The following ZRANB3 variants were observed in gnomAD, a reference collection of about 807,000 sequenced individuals.
ZRANB3 encodes the protein DNA annealing helicase and endonuclease ZRANB3.
In ZRANB3, 125 loss-of-function variants were observed where a neutral mutation model predicts 133.8. That is an observed-to-expected ratio of 0.93 (90% CI 0.81 to 1.08). The LOEUF (loss-of-function observed/expected upper bound fraction) is 1.08. ZRANB3 is among the 50% of genes least tolerant of loss of function. The pLI is 0.00. For missense variants in ZRANB3, 1,229 were observed against 1,275.5 expected (o/e 0.96, Z 0.56); for synonymous variants, 387 against 432.7 (o/e 0.89, Z 1.31).
chr2:135,288,873 C>CGTATGT (rs1553467078), intron 8 of ZRANB3, among the ~76,000 whole-genome samples: 1 of 141,296 alleles, frequency 7.1e-6, no homozygotes, highest in African/African-American at 2.6e-5. Context: ...CTTCATTTAT[C>CGTATGT]GTGTGTGTGT....
At chr2:135,525,874 C>T (rs1157615685) in intron 1 of ZRANB3, among the ~76,000 whole-genome samples, 1 of 147,142 alleles carries the variant, frequency 6.8e-6, no homozygotes, top group African/African-American at 2.5e-5. Flanking sequence ...AAAAGGAAAT[C>T]CTATCATGCT....
At chr2:135,335,981 G>C (rs1468704722) in intron 6 of ZRANB3, among the ~76,000 whole-genome samples, 1 of 152,138 alleles carries the variant, frequency 6.6e-6, no homozygotes, top group Non-Finnish European at 1.5e-5. Flanking sequence ...AGGGGAACTG[G>C]GTGATCTCCA....
rs765112091 is a variant in ZRANB3, at chr2:135,230,869, C to CT, written c.1597dup (p.Arg533LysfsTer8). 3 of 1,593,870 alleles carry CT rather than the reference C, an allele frequency of 1.9e-6. No homozygotes were observed. The highest frequency in any genetic ancestry group is 2.6e-6 in the Non-Finnish European group (3 of 1,172,884). ...TTCGTCACAGGAGGTCATCAACTGT[C>CT]TTTTTTTAGGTTGTGGTACAAAAAA... On this transcript the variant is annotated frameshift_variant, in exon 13 of 21. Coordinates refer to ENST00000264159, the MANE Select transcript of ZRANB3 (RefSeq NM_032143.4). LOFTEE classifies it high-confidence loss of function.
At chr2:135,407,999 C>T (rs1398953169) in intron 2 of ZRANB3, among the ~76,000 whole-genome samples, 14 of 151,814 alleles carry the variant, frequency 9.2e-5, no homozygotes, top group South Asian at 6.2e-4. Flanking sequence ...TAAAGAGCTT[C>T]TGCACAGCAA....
chr2:135,291,397 GGT>G (rs1346012749), intron 8 of ZRANB3, among the ~76,000 whole-genome samples: 2 of 151,658 alleles, frequency 1.3e-5, no homozygotes, highest in African/African-American at 4.8e-5. Flanking sequence ...TGGCCAGGCT[GGT>G]CTTGAACTCC....
intron 8 of ZRANB3, among the ~76,000 whole-genome samples, chr2:135,293,809 T>C (rs1681889599): frequency 1.3e-5 from 2 of 149,998 alleles, no homozygotes; most frequent in African/African-American, 4.9e-5. Flanking sequence ...GCATGAAGGG[T>C]TGTTGAATTT....
chr2:135,380,563 A>T (rs1285445479), intron 3 of ZRANB3, among the ~76,000 whole-genome samples: 2 of 152,208 alleles, frequency 1.3e-5, no homozygotes, highest in Non-Finnish European at 2.9e-5. Context: ...CTGAATGACT[A>T]CTGGTTAAAT....
chr2:135,478,949 A>G (rs1485598112), intron 2 of ZRANB3, among the ~76,000 whole-genome samples: 3 of 151,954 alleles, frequency 2.0e-5, no homozygotes, highest in African/African-American at 7.3e-5. Flanking sequence ...ATACTTATAT[A>G]TGTTATATAT....
At chr2:135,208,827 G>A (rs370752259) in intron 18 of ZRANB3, 41 bp downstream of exon 18, 3 of 1,492,094 alleles carry the variant, frequency 2.0e-6, no homozygotes, top group Non-Finnish European at 2.8e-6. Flanking sequence ...GTAAAGGAGT[G>A]GAATTAGTAC....
intron 8 of ZRANB3, among the ~76,000 whole-genome samples, chr2:135,312,166 T>A: frequency 6.8e-6 from 1 of 146,942 alleles, no homozygotes; most frequent in South Asian, 2.1e-4. Context: ...ATTTTTATTT[T>A]ATTTTATTTT....
chr2:135,458,566 A>T (rs1690630197), intron 2 of ZRANB3, among the ~76,000 whole-genome samples: 1 of 152,128 alleles, frequency 6.6e-6, no homozygotes, highest in Non-Finnish European at 1.5e-5. Context: ...CCACTTATGA[A>T]ATTGGTACTT....
At chr2:135,315,616 A>G (rs1683213774) in intron 6 of ZRANB3, 86 bp from the exon 7 acceptor site, 1 of 972,064 alleles carries the variant, frequency 1.0e-6, no homozygotes, top group Non-Finnish European at 1.4e-6. Context: ...CCTTTTAATG[A>G]TAAGGAGCCA....
intron 6 of ZRANB3, among the ~76,000 whole-genome samples, chr2:135,331,427 CAGTT>C (rs1684133934): frequency 6.6e-6 from 1 of 152,050 alleles, no homozygotes; most frequent in Admixed American, 6.6e-5. Context: ...GTCTGAGAGA[CAGTT>C]TGTTGTGATT....
intron 2 of ZRANB3, among the ~76,000 whole-genome samples, chr2:135,427,918 T>C (rs1407052545): frequency 1.3e-5 from 2 of 152,164 alleles, no homozygotes; most frequent in Non-Finnish European, 2.9e-5. Flanking sequence ...CTATCTGATC[T>C]TCAACAAAGT....
At chr2:135,384,106 T>C (rs1427754680) in intron 3 of ZRANB3, among the ~76,000 whole-genome samples, 1 of 151,456 alleles carries the variant, frequency 6.6e-6, no homozygotes, top group Admixed American at 6.6e-5. Context: ...GCAAGACTAA[T>C]AAAGAAGAAA....
chr2:135,481,993 G>A (rs1691839453), intron 2 of ZRANB3, among the ~76,000 whole-genome samples: 1 of 134,798 alleles, frequency 7.4e-6, no homozygotes, highest in Non-Finnish European at 1.5e-5. Context: ...TTTGGTACCA[G>A]GACCATGCTG....
intron 12 of ZRANB3, among the ~76,000 whole-genome samples, chr2:135,263,374 T>A (rs909885878): frequency 6.6e-6 from 1 of 152,228 alleles, no homozygotes; most frequent in African/African-American, 2.4e-5. Context: ...TGTTTCCATT[T>A]TTTTGCATTC....
intron 9 of ZRANB3, among the ~76,000 whole-genome samples, chr2:135,274,249 A>C (rs533657585): frequency 8.5e-4 from 130 of 152,346 alleles, no homozygotes; most frequent in Middle Eastern, 3.4e-3. Flanking sequence ...GACTATTGGA[A>C]ATCAAGGTAG....
intron 8 of ZRANB3, among the ~76,000 whole-genome samples, chr2:135,311,226 A>G (rs1312171940): frequency 6.6e-6 from 1 of 152,206 alleles, no homozygotes; most frequent in African/African-American, 2.4e-5. Context: ...CAACACCATC[A>G]GTCATCGGGA....
Sources: allele counts gnomAD v4.1 joint callset (sites outside exome capture counted in the v4.1 genomes callset), GRCh38; gene constraint gnomAD v4.1.1; transcripts MANE v1.5; gene names NCBI Gene and HGNC (gene_info 2026-07-23, HGNC 2026-07-21).